The following CELF2 variants were observed in gnomAD, a reference collection of about 807,000 sequenced individuals.
CELF2 encodes the protein CUGBP Elav-like family member 2.
CELF2 carries 8 observed loss-of-function variants against 62.6 expected under a neutral mutation model. That is an observed-to-expected ratio of 0.13 (90% CI 0.07 to 0.23). CELF2 has a LOEUF of 0.23. Ranked by LOEUF, CELF2 falls within the 10% of genes least tolerant of loss-of-function variation. The pLI, the probability that CELF2 is intolerant of heterozygous loss-of-function variation, is 1.00. For missense variants in CELF2, 333 were observed against 671.0 expected, an observed-to-expected ratio of 0.50 and a Z score of 5.56; for synonymous variants, 258 against 250.0, an observed-to-expected ratio of 1.03 and a Z score of -0.30.
chr10:10,697,801 T>A, the CELF2 span, among the ~76,000 whole-genome samples: 1 of 152,202 alleles, frequency 6.6e-6, no homozygotes, highest in Non-Finnish European at 1.5e-5. Flanking sequence ...GGTTTGGTTT[T>A]GTCTGAGACA....
the CELF2 span, among the ~76,000 whole-genome samples, chr10:10,622,367 C>A: frequency 2.6e-5 from 4 of 152,020 alleles, no homozygotes; most frequent in Non-Finnish European, 5.9e-5. Context: ...TCAGAACTTT[C>A]GGAGGCCAAG....
chr10:11,088,070 C>A (rs61830444), intron 1 of CELF2, among the ~76,000 whole-genome samples: 4 of 152,146 alleles, frequency 2.6e-5, no homozygotes, highest in Non-Finnish European at 5.9e-5. Flanking sequence ...GTGATTTGAG[C>A]CTTTAATGAA....
In CELF2 at chr10:10,928,920, T is replaced by C. The variant is rs1445624361; in HGVS notation, c.89+8921T>C. Among the ~76,000 whole-genome samples the C allele has an allele frequency of 6.6e-6, 1 of 152,214 alleles. No homozygotes were observed. The highest frequency in any genetic ancestry group is 1.5e-5 in the Non-Finnish European group (1 of 68,044). The stretch of plus-strand genomic sequence containing the variant: ...AAATATTTGCATAAGTGTTTGACCG[T>C]CTGAATAGATGTTTAAATGAATTAA... On this transcript the variant is annotated intron_variant, in intron 2 of 13. Transcript: ENST00000636488. This position sits in a 1 kb window ranked among gnomAD's most constrained non-coding sequence, Gnocchi z 4.8.
intron 1 of CELF2, among the ~76,000 whole-genome samples, chr10:11,113,417 C>G (rs897457702): frequency 1.3e-5 from 2 of 152,076 alleles, no homozygotes; most frequent in African/African-American, 4.8e-5. Context: ...CTCCTCTATG[C>G]TATCACTAAT....
At position 11,091,616 on chromosome 10, in the gene CELF2, A is replaced by G. The variant is rs76945157; in HGVS notation, c.74+73453A>G. Among the ~76,000 whole-genome samples the G allele has an allele frequency of 8.0e-3, 1,226 of 152,340 alleles. 17 individuals are homozygous for G. Among genetic ancestry groups the G allele is most frequent in the African/African-American group, 0.028 (1,172 of 41,570 alleles). On this transcript the variant is annotated intron_variant, in intron 1 of 12. Coordinates refer to ENST00000633077, the MANE Select transcript of CELF2 (RefSeq NM_001326342.2). Reference sequence around the variant, plus strand: ...GCATGTTCTCTGCTGATTGACAGCAATACAAGGAAAGGTTACATCGAAGAT... The same window carrying G: ...GCATGTTCTCTGCTGATTGACAGCAGTACAAGGAAAGGTTACATCGAAGAT...
intron 2 of CELF2, among the ~76,000 whole-genome samples, chr10:10,988,334 A>C (rs1020785387): frequency 1.3e-5 from 2 of 152,018 alleles, no homozygotes; most frequent in African/African-American, 4.8e-5. Context: ...CTATTCAGCC[A>C]TAAAAAGGAA....
the CELF2 span, among the ~76,000 whole-genome samples, chr10:10,709,367 T>G: frequency 6.6e-6 from 1 of 152,368 alleles, no homozygotes; most frequent in East Asian, 1.9e-4. Context: ...TCTTCCTAAC[T>G]TCTTAGCATT....
At chr10:10,490,849 G>A in the CELF2 span, among the ~76,000 whole-genome samples, 1 of 151,990 alleles carries the variant, frequency 6.6e-6, no homozygotes, top group East Asian at 1.9e-4. Flanking sequence ...ATGGCTACTT[G>A]GGATTAAAGA....
chr10:10,752,688 C>CAAAAAAAAAAAAAA, the CELF2 span, among the ~76,000 whole-genome samples: 1 of 58,980 alleles, frequency 1.7e-5, no homozygotes, highest in Non-Finnish European at 3.2e-5. Context: ...GACTCCGTCT[C>CAAAAAAAAAAAAAA]AAAAAAAAAA....
At chr10:10,476,446 C>G in the CELF2 span, among the ~76,000 whole-genome samples, 1 of 152,096 alleles carries the variant, frequency 6.6e-6, no homozygotes. Flanking sequence ...TCTGCTGGGA[C>G]AAGGGATTTG....
the CELF2 span, among the ~76,000 whole-genome samples, chr10:10,597,630 T>A: frequency 6.4e-4 from 98 of 152,306 alleles, no homozygotes; most frequent in Non-Finnish European, 1.3e-3. Flanking sequence ...TGATACATAG[T>A]CCTGTAAAAA....
At chr10:10,866,639 A>G (rs1008570489) in intron 1 of CELF2, among the ~76,000 whole-genome samples, 5 of 149,964 alleles carry the variant, frequency 3.3e-5, no homozygotes, top group African/African-American at 1.2e-4. Context: ...AAAATCCAAC[A>G]ATCAGGTTTC....
chr10:10,791,356 G>T, the CELF2 span, among the ~76,000 whole-genome samples: 1 of 151,594 alleles, frequency 6.6e-6, no homozygotes, highest in African/African-American at 2.4e-5. Context: ...AAACCAGTTG[G>T]AGCCGGGGTA....
At chr10:10,891,708 G>A (rs1007413108) in intron 1 of CELF2, among the ~76,000 whole-genome samples, 4 of 152,120 alleles carry the variant, frequency 2.6e-5, no homozygotes, top group African/African-American at 4.8e-5. Context: ...TTAGCTGCAC[G>A]GGCAGACTGG....
At chr10:11,251,734 G>A (rs1260983542) in intron 4 of CELF2, among the ~76,000 whole-genome samples, 4 of 152,272 alleles carry the variant, frequency 2.6e-5, no homozygotes, top group East Asian at 1.9e-4. Context: ...TGTAATGCCC[G>A]TCTTACAAGG....
chr10:10,811,498 G>A (rs1177477724), intron 1 of CELF2, among the ~76,000 whole-genome samples: 1 of 152,028 alleles, frequency 6.6e-6, no homozygotes, highest in Non-Finnish European at 1.5e-5. Context: ...AGGGGCCCTG[G>A]TCTTCCTCGT....
In CELF2 at chr10:11,315,075, G is replaced by T. The variant is rs2094847344; in HGVS notation, c.1096+817G>T. On this transcript the variant is annotated intron_variant, in intron 10 of 12. Transcript: ENST00000633077. The surrounding 1 kb of genome is among the most constrained non-coding windows in gnomAD (Gnocchi z 5.8). ...GCTCCTGTCATTCTCGGTTGATGGG[G>T]GAGCAGTGTGCCGGCCAGAGGATAA... 6.6e-6 allele frequency among the ~76,000 whole-genome samples: 1 copy of T among 152,298 alleles called. No individual in the cohort carries two copies. Among genetic ancestry groups the T allele is most frequent in the African/African-American group, 2.4e-5 (1 of 41,540 alleles).
At position 11,165,402 on chromosome 10, in the gene CELF2, C is replaced by T. The variant is rs1596462202; in HGVS notation, c.75-84C>T. On this transcript the variant is annotated intron_variant, in intron 1 of 12. Transcript: ENST00000633077. This position sits in a 1 kb window ranked among gnomAD's most constrained non-coding sequence, Gnocchi z 7.4. The stretch of plus-strand genomic sequence containing the variant: ...GCTCTTCTTCCTCCTCCTTCCGCCT[C>T]CCCGCTCCCCCACCCCCACTATTTT... 6.5e-7 allele frequency: 1 copy of T among 1,531,472 alleles called. No homozygotes were observed. The highest frequency in any genetic ancestry group is 8.8e-7 in the Non-Finnish European group (1 of 1,139,098). 94.9% of individuals were successfully genotyped at this position (1,531,472 alleles called of 1,614,324 possible). A position where few individuals can be genotyped will look rare whatever the true frequency, so the allele number is the denominator to read the frequency against.
chr10:10,831,347 G>A (rs1232422465), intron 1 of CELF2, among the ~76,000 whole-genome samples: 1 of 152,218 alleles, frequency 6.6e-6, no homozygotes, highest in Non-Finnish European at 1.5e-5. Flanking sequence ...GACACTTCTG[G>A]AACAAGGTTT....
Sources: gnomAD v4.1 joint callset for allele counts (sites outside exome capture counted in the v4.1 genomes callset) on GRCh38, gnomAD v4.1.1 for gene constraint, Gnocchi (gnomAD v3.1) non-coding constraint, MANE v1.5 for transcripts, NCBI Gene and HGNC (gene_info 2026-07-23, HGNC 2026-07-21) for gene names.